The following SATB2 variants were observed in gnomAD, a reference collection of about 807,000 sequenced individuals.
SATB2 encodes SATB homeobox 2.
A neutral mutation model predicts 73.4 loss-of-function variants in SATB2; 1 was observed. That is an observed-to-expected ratio of 0.01 (90% CI 0.00 to 0.06). The LOEUF (loss-of-function observed/expected upper bound fraction) is 0.06, where lower values mean the gene tolerates loss of function less well. Among genes scored for constraint, SATB2 ranks in the 10% least tolerant of loss-of-function variants. The pLI is 1.00. For synonymous variants in SATB2, 397 were observed against 367.0 expected, an observed-to-expected ratio of 1.08 and a Z score of -0.93; for missense variants, 459 against 945.8, an observed-to-expected ratio of 0.49 and a Z score of 6.75.
chr2:199,348,886 G>T lies in SATB2; in HGVS notation c.988C>A (p.Gln330Lys). 6.2e-7 allele frequency: 1 copy of T among 1,614,126 alleles called. No homozygotes were observed. Among genetic ancestry groups the T allele is most frequent in the Non-Finnish European group, 8.5e-7 (1 of 1,180,002 alleles). The change falls in exon 7 of 11, where the codon CAG becomes AAG. Residue 330 changes from glutamine (Q) to lysine (K), a missense_variant. Around this residue, in one of 13 missense-constraint regions of SATB2, gnomAD observed 35 missense variants for 55.3 expected, o/e 0.63. Coordinates refer to ENST00000417098, the MANE Select transcript of SATB2 (RefSeq NM_001172509.2). ...QIAVSRLLAH[Q>K]HPQAINQQFL... ...TGCTGGTTGATGGCTTGAGGATGCT[G>T]GTGAGCCAGGAGCCGGCTAACGGCA... is the stretch of plus-strand genomic sequence containing the variant.
At chr2:199,427,651 G>T (rs1691376267) in intron 3 of SATB2, among the ~76,000 whole-genome samples, 1 of 151,412 alleles carries the variant, frequency 6.6e-6, no homozygotes, top group Admixed American at 6.6e-5. Context: ...GACAGGATTG[G>T]CCATGAATTT....
intron 9 of SATB2, among the ~76,000 whole-genome samples, chr2:199,321,428 A>C (rs1277608490): frequency 3.3e-5 from 5 of 151,196 alleles, no homozygotes; most frequent in Non-Finnish European, 7.4e-5. Context: ...ATGGATATAT[A>C]TATATCTCAG....
At chr2:199,419,530 GT>G (rs1364601596) in intron 3 of SATB2, among the ~76,000 whole-genome samples, 1 of 152,180 alleles carries the variant, frequency 6.6e-6, no homozygotes, top group Non-Finnish European at 1.5e-5. Flanking sequence ...TTGACAGCAT[GT>G]TTTTTAAAAA....
intron 10 of SATB2, among the ~76,000 whole-genome samples, chr2:199,306,320 C>T (rs1420226264): frequency 2.0e-5 from 3 of 152,054 alleles, no homozygotes; most frequent in Non-Finnish European, 2.9e-5. Flanking sequence ...ATAAATTCAA[C>T]GTTGCAAAGC....
intron 6 of SATB2, among the ~76,000 whole-genome samples, chr2:199,368,315 C>T (rs1404025289): frequency 6.6e-6 from 1 of 152,124 alleles, no homozygotes; most frequent in Non-Finnish European, 1.5e-5. Flanking sequence ...GCTGATTTAA[C>T]CTAGAATGAC....
chr2:199,284,346 G>C (rs1692621658), intron 10 of SATB2, among the ~76,000 whole-genome samples: 1 of 152,186 alleles, frequency 6.6e-6, no homozygotes, highest in South Asian at 2.1e-4. Context: ...AAAAGAAAAA[G>C]TATGAAAAGT....
In SATB2 at chr2:199,464,595, C is replaced by T. The variant is rs1221983574; in HGVS notation, c.-141+241G>A. Among the ~76,000 whole-genome samples, 2 of 152,136 alleles carry T rather than the reference C, an allele frequency of 1.3e-5. No homozygotes were observed. Reference sequence around the variant, plus strand: ...GAGACGCCCCGCGCCCGACTCACGGCGCGAACACCAGCGCTCCGGCCGGGT... The same window carrying T: ...GAGACGCCCCGCGCCCGACTCACGGTGCGAACACCAGCGCTCCGGCCGGGT... On this transcript the variant is annotated intron_variant, in intron 1 of 11. Coordinates refer to the SATB2 transcript ENST00000260926. This position sits in a 1 kb window ranked among gnomAD's most constrained non-coding sequence, Gnocchi z 6.6.
At chr2:199,375,343 A>G (rs1689568896) in intron 5 of SATB2, among the ~76,000 whole-genome samples, 1 of 152,234 alleles carries the variant, frequency 6.6e-6, no homozygotes, top group East Asian at 1.9e-4. Context: ...GAAAAGGAAG[A>G]GGTGCCAGCA....
chr2:199,470,727 A>T (rs1692687357), intron 1 of SATB2: 1 of 152,324 alleles, frequency 6.6e-6, no homozygotes, highest in South Asian at 2.1e-4. Flanking sequence ...ACCAGTGGGT[A>T]CCCGGAGCAG....
Position 199,349,319 on chromosome 2 carries a change from T to C in SATB2, c.701-146A>G, listed in dbSNP as rs538103217. On this transcript the variant is annotated intron_variant, in intron 6 of 10. Coordinates refer to ENST00000417098, the MANE Select transcript of SATB2 (RefSeq NM_001172509.2). ...AACGATGGAAGCTCCAGCATAAAAGTGATATTCTTTTCTGCTAAATGTTAC... is the reference window on the plus strand; with the variant it reads ...AACGATGGAAGCTCCAGCATAAAAGCGATATTCTTTTCTGCTAAATGTTAC... 5 of 674,912 alleles carry C rather than the reference T, an allele frequency of 7.4e-6. No individual in the cohort carries two copies. In the Admixed American group the frequency reaches 1.1e-4, roughly 14 times the overall value. The allele number at this position is 674,912 out of a possible 1,614,324, so 41.8% of individuals were successfully genotyped here. A position where few individuals can be genotyped will look rare whatever the true frequency, so the allele number is the denominator to read the frequency against.
intron 7 of SATB2, among the ~76,000 whole-genome samples, chr2:199,334,156 AATCT>A (rs1332715281): frequency 1.3e-5 from 2 of 152,314 alleles, no homozygotes; most frequent in East Asian, 3.9e-4. Flanking sequence ...ATGTCATGTA[AATCT>A]CAAAGACAGC....
At chr2:199,344,260 A>T (rs769762727) in intron 7 of SATB2, among the ~76,000 whole-genome samples, 1 of 152,154 alleles carries the variant, frequency 6.6e-6, no homozygotes, top group Non-Finnish European at 1.5e-5. Context: ...CACACAACAC[A>T]CACACACACA....
At chr2:199,399,704 T>C (rs1397472971) in intron 3 of SATB2, among the ~76,000 whole-genome samples, 1 of 152,124 alleles carries the variant, frequency 6.6e-6, no homozygotes, top group African/African-American at 2.4e-5. Flanking sequence ...GCAGCTCACA[T>C]GATGGGAGCA....
intron 3 of SATB2, chr2:199,423,646 AT>A (rs1691239692): frequency 6.6e-6 from 1 of 152,162 alleles, no homozygotes; most frequent in Non-Finnish European, 1.5e-5. Flanking sequence ...CACCGTATTC[AT>A]AGTAATAAAA....
chr2:199,352,863 A>G (rs1298074459), intron 6 of SATB2, among the ~76,000 whole-genome samples: 1 of 152,086 alleles, frequency 6.6e-6, no homozygotes, highest in Non-Finnish European at 1.5e-5. Flanking sequence ...AACTAATGCC[A>G]TTTCAAAATA....
chr2:199,357,993 G>T (rs538168928), intron 6 of SATB2, among the ~76,000 whole-genome samples: 1 of 152,202 alleles, frequency 6.6e-6, no homozygotes, highest in South Asian at 2.1e-4. Context: ...TGAACTATAT[G>T]AAATTGGCGA....
At chr2:199,433,261 A>G in intron 3 of SATB2, 77 bp downstream of exon 3, 6 of 1,417,440 alleles carry the variant, frequency 4.2e-6, no homozygotes, top group Non-Finnish European at 5.8e-6. Flanking sequence ...TGTTTGGAGA[A>G]CTATTTCAGA....
Position 199,270,356 on chromosome 2 carries a change from C to A in SATB2, c.*1855G>T, listed in dbSNP as rs998832513. ...TGTAAGTTCTGAGTTAATATCTACACATAGAGGTTTTTTTTTTAACTCCTA... is the reference window on the plus strand; with the variant it reads ...TGTAAGTTCTGAGTTAATATCTACAAATAGAGGTTTTTTTTTTAACTCCTA... On this transcript the variant is annotated 3_prime_UTR_variant, in exon 11 of 11. Transcript: ENST00000417098. 1.3e-5 allele frequency: 2 copies of A among 152,426 alleles called. No individual in the cohort carries two copies. Among genetic ancestry groups the A allele is most frequent in the African/African-American group, 4.8e-5 (2 of 41,350 alleles). The allele number at this position is 152,426 out of a possible 1,614,324, so 9.4% of individuals were successfully genotyped here.
chr2:199,320,420 T>C (rs994768470), intron 9 of SATB2, among the ~76,000 whole-genome samples: 5 of 152,174 alleles, frequency 3.3e-5, no homozygotes, highest in African/African-American at 1.2e-4. Context: ...TGTATAAACA[T>C]GTCTTTCCCT....
Sources: allele counts gnomAD v4.1 joint callset (sites outside exome capture counted in the v4.1 genomes callset), GRCh38; gene constraint gnomAD v4.1.1; regional missense constraint gnomAD v4.1.1; non-coding constraint Gnocchi (gnomAD v3.1); transcripts MANE v1.5; gene names NCBI Gene and HGNC (gene_info 2026-07-23, HGNC 2026-07-21).